PCCA: variants seen among roughly 807,000 people sequenced by gnomAD.
The protein encoded by PCCA is propionyl-CoA carboxylase subunit alpha.
Under a neutral mutation model 101.3 loss-of-function variants are expected in PCCA, and 74 were observed. The ratio of observed to expected loss-of-function variants is 0.73; its 90% CI spans 0.61 to 0.89. PCCA has a LOEUF of 0.89. PCCA is among the 40% of genes least tolerant of loss of function. The pLI, the probability that PCCA is intolerant of heterozygous loss-of-function variation, is 0.00. For synonymous variants in PCCA, 294 were observed against 313.6 expected (o/e 0.94, Z 0.66); for missense variants, 891 against 907.0 (o/e 0.98, Z 0.23).
intron 7 of PCCA, among the ~76,000 whole-genome samples, chr13:100,221,746 ATTTTTTTTTT>A (rs3034654): frequency 8.2e-6 from 1 of 121,602 alleles, no homozygotes; most frequent in Non-Finnish European, 1.6e-5. Flanking sequence ...TCCCTGGGAA[ATTTTTTTTTT>A]TTTTTTTTTT....
At chr13:100,115,532 C>T (rs1019060227) in intron 4 of PCCA, among the ~76,000 whole-genome samples, 2 of 151,982 alleles carry the variant, frequency 1.3e-5, no homozygotes, top group African/African-American at 4.8e-5. Context: ...ATTTCATGTA[C>T]TCCATAAACA....
At chr13:100,432,943 C>T (rs1396882847) in intron 20 of PCCA, among the ~76,000 whole-genome samples, 5 of 152,212 alleles carry the variant, frequency 3.3e-5, no homozygotes, top group African/African-American at 9.6e-5. Flanking sequence ...CTTCAAGGTT[C>T]ATCCAGGTTA....
chr13:100,301,662 G>T, intron 13 of PCCA, 59 bp downstream of exon 13: 1 of 1,577,788 alleles, frequency 6.3e-7, no homozygotes. Context: ...ATGAGACCTG[G>T]TATAGCCAAA....
chr13:100,148,433 C>T, intron 4 of PCCA, among the ~76,000 whole-genome samples: 1 of 133,402 alleles, frequency 7.5e-6, no homozygotes, highest in African/African-American at 2.7e-5. Flanking sequence ...CCCTACTCTA[C>T]TTTTTCCTCT....
At chr13:100,163,821 T>C (rs2054745178) in intron 6 of PCCA, among the ~76,000 whole-genome samples, 1 of 152,188 alleles carries the variant, frequency 6.6e-6, no homozygotes, top group Non-Finnish European at 1.5e-5. Context: ...TGTTTTCCTT[T>C]TCTGACTTGG....
chr13:100,395,259 C>G (rs2076990553), intron 19 of PCCA, among the ~76,000 whole-genome samples: 1 of 152,180 alleles, frequency 6.6e-6, no homozygotes, highest in Non-Finnish European at 1.5e-5. Context: ...TTTCCATATT[C>G]CATCCAAGAG....
At chr13:100,419,652 C>T (rs369687883) in intron 19 of PCCA, among the ~76,000 whole-genome samples, 1 of 152,130 alleles carries the variant, frequency 6.6e-6, no homozygotes, top group Non-Finnish European at 1.5e-5. Flanking sequence ...GCTATGGAGT[C>T]GTGCATGTGT....
At chr13:100,406,913 C>T (rs1041644871) in intron 19 of PCCA, among the ~76,000 whole-genome samples, 1 of 145,034 alleles carries the variant, frequency 6.9e-6, no homozygotes, top group Non-Finnish European at 1.5e-5. Flanking sequence ...TTTAATGTTA[C>T]AATCTTCAAA....
chr13:100,505,067 A>G (rs375139247), intron 21 of PCCA, among the ~76,000 whole-genome samples: 9 of 152,342 alleles, frequency 5.9e-5, no homozygotes, highest in African/African-American at 1.4e-4. Context: ...CTGACTCCAG[A>G]TCCTAAATGG....
intron 7 of PCCA, among the ~76,000 whole-genome samples, chr13:100,228,568 ATGT>A (rs1405074720): frequency 6.6e-6 from 1 of 152,092 alleles, no homozygotes; most frequent in Non-Finnish European, 1.5e-5. Context: ...TGAAGAGATA[ATGT>A]TGTTTTGTTT....
At chr13:100,523,100 G>A (rs184176811) in intron 22 of PCCA, among the ~76,000 whole-genome samples, 4 of 152,156 alleles carry the variant, frequency 2.6e-5, no homozygotes, top group East Asian at 3.9e-4. Flanking sequence ...TTGAATGATC[G>A]GCATTGCCAA....
intron 21 of PCCA, among the ~76,000 whole-genome samples, chr13:100,496,215 C>A (rs1023913514): frequency 1.2e-4 from 18 of 152,314 alleles, no homozygotes; most frequent in African/African-American, 4.3e-4. Flanking sequence ...AAAATGTTTT[C>A]AAATTGTTGC....
At chr13:100,481,215 C>T (rs956140788) in intron 21 of PCCA, 5 of 152,044 alleles carry the variant, frequency 3.3e-5, no homozygotes, top group African/African-American at 1.2e-4. Flanking sequence ...TTGGCATATC[C>T]AGATTGCCAG....
At chr13:100,346,447 A>G (rs1180522635) in intron 18 of PCCA, among the ~76,000 whole-genome samples, 1 of 152,226 alleles carries the variant, frequency 6.6e-6, no homozygotes, top group Non-Finnish European at 1.5e-5. Flanking sequence ...ATCTCGTGAT[A>G]GAACTTGAAT....
intron 17 of PCCA, among the ~76,000 whole-genome samples, chr13:100,332,255 T>A (rs927395481): frequency 6.6e-6 from 1 of 152,198 alleles, no homozygotes; most frequent in Non-Finnish European, 1.5e-5. Flanking sequence ...TGGATATTTT[T>A]AATCATTTAT....
chr13:100,310,638 T>C (rs762464555), intron 16 of PCCA, among the ~76,000 whole-genome samples: 1 of 152,230 alleles, frequency 6.6e-6, no homozygotes, highest in South Asian at 2.1e-4. Context: ...AGTACTCTTT[T>C]GTATTTACAT....
intron 13 of PCCA, 139 bp from the exon 14 acceptor site, chr13:100,302,785 A>G (rs1403711146): frequency 1.4e-6 from 1 of 698,938 alleles, no homozygotes; most frequent in Non-Finnish European, 2.6e-6. Context: ...AAAGACAATA[A>G]TATTCTGAAA....
At chr13:100,433,563 C>A (rs1006569084) in intron 20 of PCCA, among the ~76,000 whole-genome samples, 11 of 151,834 alleles carry the variant, frequency 7.2e-5, no homozygotes, top group Non-Finnish European at 1.6e-4. Context: ...AACCACATAC[C>A]ATTCTAACAG....
rs111751031 is a variant in PCCA, at chr13:100,170,281, G to T, written c.468+12941G>T. ...GATTTTTGTTTTTGTTCTAGTGAAG[G>T]AAGTACATTGCTCGAGGATTTTTTT... On this transcript the variant is annotated intron_variant, in intron 6 of 23. Transcript: ENST00000376285. Among the ~76,000 whole-genome samples the T allele has an allele frequency of 2.8e-3, 424 of 152,260 alleles. 3 individuals carry two copies. Among genetic ancestry groups the T allele is most frequent in the African/African-American group, 9.9e-3 (411 of 41,564 alleles).
Sources: allele counts gnomAD v4.1 joint callset (sites outside exome capture counted in the v4.1 genomes callset), GRCh38; gene constraint gnomAD v4.1.1; transcripts MANE v1.5; gene names NCBI Gene and HGNC (gene_info 2026-07-23, HGNC 2026-07-21).